The following CENPE variants were observed in gnomAD, a reference collection of about 807,000 sequenced individuals.
The protein encoded by CENPE is centromere-associated protein E.
Under a neutral mutation model 336.1 loss-of-function variants are expected in CENPE, and 145 were observed. The ratio of observed to expected loss-of-function variants is 0.43; its 90% CI spans 0.38 to 0.50. CENPE has a LOEUF of 0.50. CENPE is among the 20% of genes least tolerant of loss of function. The pLI is 0.00. For missense variants in CENPE, 2,719 were observed against 3,023.3 expected, an observed-to-expected ratio of 0.90 and a Z score of 2.36; for synonymous variants, 1,013 against 984.8, an observed-to-expected ratio of 1.03 and a Z score of -0.54.
At position 103,132,781 on chromosome 4, in the gene CENPE, C is replaced by T. The variant is rs779977129; in HGVS notation, c.6836G>A (p.Arg2279His). ...TQFLEEWLNT[R>H]FDIEKLKNGI... The stretch of plus-strand genomic sequence containing the variant: ...ATTTTTAAGCTTTTCTATATCAAAA[C>T]GAGTATTTAACCACTCTTCCAAAAA... The change falls in exon 42 of 49, where the codon CGT becomes CAT. Residue 2279 changes from arginine (R) to histidine (H), a missense_variant. This residue lies in a region of CENPE where 2,437 missense variants were observed against 2,513.3 expected (regional missense o/e 0.97). Transcript: ENST00000265148. The T allele has an allele frequency of 9.5e-6, 15 of 1,581,002 alleles. No individual in the cohort carries two copies. The highest frequency in any genetic ancestry group is 1.7e-4 in the Middle Eastern group (1 of 6,004).
intron 12 of CENPE, among the ~76,000 whole-genome samples, chr4:103,180,739 T>C (rs1173457287): frequency 6.6e-6 from 1 of 152,144 alleles, no homozygotes; most frequent in East Asian, 1.9e-4. Flanking sequence ...ATAACTCTAT[T>C]AATTGCCTAA....
rs1484133140 is a variant in CENPE at position 103,106,202 on chromosome 4, G to A, written c.*20C>T. Reference sequence around the variant, plus strand: ...CCAAATAAGGAATGCTGGATCTCCAGAGAAGTGACAAAGAGGAGTCTACTG... The same window carrying A: ...CCAAATAAGGAATGCTGGATCTCCAAAGAAGTGACAAAGAGGAGTCTACTG... On this transcript the variant is annotated 3_prime_UTR_variant, in exon 49 of 49. Transcript: ENST00000265148. The A allele has an allele frequency of 2.0e-6, 3 of 1,498,372 alleles. No homozygotes were observed. In the East Asian group the frequency reaches 7.1e-5, roughly 36 times the overall value. The allele number at this position is 1,498,372 out of a possible 1,614,324, so 92.8% of individuals were successfully genotyped here. A position where few individuals can be genotyped will look rare whatever the true frequency, so the allele number is the denominator to read the frequency against.
intron 44 of CENPE, 115 bp from the exon 45 acceptor site, chr4:103,116,804 A>G (rs1750158751): frequency 1.9e-6 from 1 of 535,684 alleles, no homozygotes; most frequent in Non-Finnish European, 3.3e-6. Flanking sequence ...ATAGCAAACA[A>G]TTCCAAATAT....
chr4:103,138,303 T>C (rs192223079), intron 39 of CENPE, 48 bp downstream of exon 39: 1 of 1,313,074 alleles, frequency 7.6e-7, no homozygotes, highest in East Asian at 2.3e-5. Context: ...CGGTAAGCCT[T>C]TGGAAGACAA....
At chr4:103,136,641 G>A (rs1276790475) in intron 39 of CENPE, among the ~76,000 whole-genome samples, 3 of 152,094 alleles carry the variant, frequency 2.0e-5, no homozygotes, top group African/African-American at 7.2e-5. Context: ...TTAGTTTTTT[G>A]AATATCCATG....
At chr4:103,170,135 G>T (rs1329354467) in intron 16 of CENPE, among the ~76,000 whole-genome samples, 1 of 152,132 alleles carries the variant, frequency 6.6e-6, no homozygotes, top group Admixed American at 6.5e-5. Flanking sequence ...GCCTGTTGGG[G>T]ATTGGGGGCC....
At chr4:103,126,455 C>A (rs1362769835) in intron 42 of CENPE, among the ~76,000 whole-genome samples, 1 of 152,156 alleles carries the variant, frequency 6.6e-6, no homozygotes, top group African/African-American at 2.4e-5. Context: ...ACCACACACA[C>A]CTTGCCACTA....
In CENPE at chr4:103,176,918, T is replaced by C; in HGVS notation, c.1371A>G (p.Leu457=). ...ACTCACATTCATCAATTTCTCGTAA[T>C]AAATTTATAGAAAGCTTATGTGTTT... ...TTKTHKLSIN[L]LREIDESVCS... The change falls in exon 14 of 49, where the codon TTA becomes TTG. Residue 457 remains leucine, a synonymous_variant. Transcript: ENST00000265148. 1.9e-6 allele frequency: 3 copies of C among 1,586,902 alleles called. No homozygotes were observed. The highest frequency in any genetic ancestry group is 2.6e-6 in the Non-Finnish European group (3 of 1,167,362).
rs142437503 is a variant in CENPE at position 103,193,718 on chromosome 4, T to C, written c.693+511A>G. On this transcript the variant is annotated intron_variant, in intron 8 of 48. Coordinates refer to ENST00000265148, the MANE Select transcript of CENPE (RefSeq NM_001813.3). ...TGGGGCTACCAGGATGAATGCAGTA[T>C]CACTCCTCAATGGATTTACAGTCTA... 5.2e-3 allele frequency among the ~76,000 whole-genome samples: 795 copies of C among 152,216 alleles called. 5 individuals carry two copies. Among genetic ancestry groups the C allele is most frequent in the Non-Finnish European group, 8.9e-3 (608 of 67,938 alleles).
chr4:103,161,419 CAG>C lies in CENPE; in HGVS notation c.1879_1880del (p.Leu627ValfsTer2), dbSNP rs1560646136. 6.2e-7 allele frequency: 1 copy of C among 1,612,536 alleles called. No individual in the cohort carries two copies. The highest frequency in any genetic ancestry group is 8.5e-7 in the Non-Finnish European group (1 of 1,179,284). On this transcript the variant is annotated frameshift_variant, in exon 19 of 49. Transcript: ENST00000265148. LOFTEE classifies it high-confidence loss of function. Reference protein sequence around the residue: ...IEDPKQMKQTLFDAETVALDA... With the variant: ...IEDPKQMKQTXFDAETVALDA... The stretch of plus-strand genomic sequence containing the variant: ...CAAGGGCTACAGTTTCAGCATCAAA[CAG>C]AGTCTGCTTCATTTGTTTTGGGTCT...
chr4:103,120,812 T>A (rs1750561522), intron 43 of CENPE, among the ~76,000 whole-genome samples: 1 of 152,056 alleles, frequency 6.6e-6, no homozygotes, highest in African/African-American at 2.4e-5. Flanking sequence ...CTCGACTCAC[T>A]GCAACCTCCA....
intron 16 of CENPE, 79 bp from the exon 17 acceptor site, chr4:103,163,632 GA>G (rs1251368509): frequency 1.6e-4 from 96 of 600,156 alleles, no homozygotes; most frequent in Admixed American, 2.0e-4. Context: ...AAAAGAAAAA[GA>G]AAAAAAAGGG....
chr4:103,147,386 C>G lies in CENPE; in HGVS notation c.4104G>C (p.Leu1368=), dbSNP rs759164552. 5.6e-6 allele frequency: 9 copies of G among 1,609,220 alleles called. No individual in the cohort carries two copies. The highest frequency in any genetic ancestry group is 4.5e-5 in the South Asian group (4 of 89,834). Reference sequence around the variant, plus strand: ...CCAAAGTTTCTCTAATATGTTCTTTCAGCTGGTCATGTTTAACTTCAAGGG... The same window carrying G: ...CCAAAGTTTCTCTAATATGTTCTTTGAGCTGGTCATGTTTAACTTCAAGGG... ...KEALEVKHDQ[L]KEHIRETLAK... Residue 1368 remains leucine, a synonymous_variant, in exon 29 of 49, where the codon CTG becomes CTC. Coordinates refer to ENST00000265148, the MANE Select transcript of CENPE (RefSeq NM_001813.3).
chr4:103,145,964 C>A lies in CENPE; in HGVS notation c.4278G>T (p.Leu1426Phe). Residue 1426 changes from leucine (L) to phenylalanine (F), a missense_variant, in exon 30 of 49, where the codon TTG becomes TTT. Around this residue, in one of 5 missense-constraint regions of CENPE, gnomAD observed 2,437 missense variants for 2,513.3 expected, o/e 0.97. Transcript: ENST00000265148. Reference protein sequence around the residue: ...LLRIEIEMLGLSKRLQESHDE... With the variant: ...LLRIEIEMLGFSKRLQESHDE... Reference sequence around the variant, plus strand: ...CATGACTTTCTTGAAGTCTTTTGGACAATCCGAGCATTTCTATTTCTATCC... The same window carrying A: ...CATGACTTTCTTGAAGTCTTTTGGAAAATCCGAGCATTTCTATTTCTATCC... The A allele has an allele frequency of 6.2e-7, 1 of 1,613,912 alleles. No individual in the cohort carries two copies. Among genetic ancestry groups the A allele is most frequent in the South Asian group, 1.1e-5 (1 of 91,070 alleles).
At chr4:103,113,695 A>G (rs1170731110) in intron 46 of CENPE, among the ~76,000 whole-genome samples, 1 of 146,338 alleles carries the variant, frequency 6.8e-6, no homozygotes, top group Non-Finnish European at 1.5e-5. Context: ...TATATGTATA[A>G]TAAGTGTATA....
At chr4:103,166,575 G>A (rs1351070599) in intron 16 of CENPE, among the ~76,000 whole-genome samples, 1 of 152,158 alleles carries the variant, frequency 6.6e-6, no homozygotes, top group African/African-American at 2.4e-5. Context: ...AGGTAGAATG[G>A]AAATAATAGC....
Position 103,176,004 on chromosome 4 carries a change from A to T in CENPE, c.1435T>A (p.Leu479Ile). 6.2e-7 allele frequency: 1 copy of T among 1,607,606 alleles called. No homozygotes were observed. The highest frequency in any genetic ancestry group is 1.1e-5 in the South Asian group (1 of 89,806). ...SDVFSNTLDT[L>I]SEIEWNPATK... ...GCTGGATTCCATTCTATCTCACTTA[A>T]TGTATCAAGAGTGTTACTGAAAACA... The change falls in exon 15 of 49, where the codon TTA becomes ATA. Residue 479 changes from leucine (L) to isoleucine (I), a missense_variant. Transcript: ENST00000265148.
At chr4:103,194,349 C>A (rs1278566857) in intron 7 of CENPE, 25 bp downstream of exon 7, 3 of 1,608,072 alleles carry the variant, frequency 1.9e-6, no homozygotes, top group Admixed American at 3.4e-5. Flanking sequence ...TTGGAAAGAT[C>A]TAACAGATAG....
At chr4:103,145,484 C>T (rs1305974123) in intron 31 of CENPE, 39 bp downstream of exon 31, 1 of 1,559,124 alleles carries the variant, frequency 6.4e-7, no homozygotes, top group Non-Finnish European at 8.7e-7. Context: ...ACTCCAAACC[C>T]ACCCATTTCC....
Sources: gnomAD v4.1 joint callset for allele counts (sites outside exome capture counted in the v4.1 genomes callset) on GRCh38, gnomAD v4.1.1 for gene constraint, gnomAD v4.1.1 regional missense constraint, MANE v1.5 for transcripts, NCBI Gene and HGNC (gene_info 2026-07-23, HGNC 2026-07-21) for gene names.